FIRRM: variants seen among roughly 807,000 people sequenced by gnomAD.
FIRRM encodes FIGNL1 interacting regulator of recombination and mitosis.
the FIRRM span, among the ~76,000 whole-genome samples, chr1:169,802,239 A>G: frequency 1.3e-5 from 2 of 152,220 alleles, no homozygotes; most frequent in African/African-American, 4.8e-5. Context: ...TCCTTCCAGA[A>G]AATACCCTTG....
At chr1:169,823,329 T>C in the FIRRM span, 2 of 743,350 alleles carry the variant, frequency 2.7e-6, no homozygotes, top group Non-Finnish European at 4.3e-6. Context: ...TTTATGTTAT[T>C]TTGCATACCT....
chr1:169,814,997 TAAGAAAG>T, the FIRRM span, among the ~76,000 whole-genome samples: 1 of 151,876 alleles, frequency 6.6e-6, no homozygotes, highest in South Asian at 2.1e-4. Context: ...GCAAGTTTAT[TAAGAAAG>T]TAAAGGAATA....
the FIRRM span, chr1:169,795,361 A>G: frequency 7.1e-7 from 1 of 1,415,398 alleles, no homozygotes; most frequent in Non-Finnish European, 9.3e-7. Flanking sequence ...AGTGGGATGA[A>G]AAGTGAGGGA....
the FIRRM span, chr1:169,853,654 TATTG>T: frequency 6.4e-7 from 1 of 1,570,274 alleles, no homozygotes; most frequent in Non-Finnish European, 8.7e-7. Context: ...GCTTTTGAGG[TATTG>T]ATTTTTTTTA....
the FIRRM span, among the ~76,000 whole-genome samples, chr1:169,788,324 C>T: frequency 6.6e-6 from 1 of 152,174 alleles, no homozygotes; most frequent in East Asian, 1.9e-4. Flanking sequence ...TTGAAGTCTA[C>T]TTGAAGATGA....
chr1:169,830,860 G>A, the FIRRM span: 1,164 of 980,008 alleles, frequency 1.2e-3, 1 homozygote, highest in Non-Finnish European at 1.3e-3. Flanking sequence ...TAACAAGATT[G>A]TTTTGACAGT....
the FIRRM span, among the ~76,000 whole-genome samples, chr1:169,819,067 C>A: frequency 6.6e-6 from 1 of 152,190 alleles, no homozygotes; most frequent in Admixed American, 6.5e-5. Context: ...GCGGTTTCTA[C>A]AGCCTAATAA....
At chr1:169,825,564 G>T in the FIRRM span, among the ~76,000 whole-genome samples, 2 of 152,166 alleles carry the variant, frequency 1.3e-5, no homozygotes, top group Non-Finnish European at 2.9e-5. Flanking sequence ...ATAAATTCTT[G>T]CAATGATGCT....
the FIRRM span, chr1:169,794,951 G>T: frequency 1.3e-3 from 819 of 623,402 alleles, 3 homozygotes; most frequent in Non-Finnish European, 1.9e-3. Context: ...CTTTCTTTCC[G>T]GCCTTGAGGG....
chr1:169,793,904 A>AT, the FIRRM span: 326 of 389,840 alleles, frequency 8.4e-4, no homozygotes, highest in East Asian at 1.1e-3. Context: ...AGCTCTGGAA[A>AT]GAAAAAAAAA....
the FIRRM span, among the ~76,000 whole-genome samples, chr1:169,840,511 CTTT>C: frequency 5.6e-4 from 79 of 141,568 alleles, no homozygotes; most frequent in African/African-American, 1.9e-3. Flanking sequence ...TTTCTTTTTT[CTTT>C]TTTTTTTTTT....
chr1:169,830,647 G>T, the FIRRM span: 2 of 1,557,758 alleles, frequency 1.3e-6, no homozygotes, highest in Non-Finnish European at 1.8e-6. Flanking sequence ...ATCTCCTTAT[G>T]TTTCTGAGTA....
chr1:169,821,510 A>ACC, the FIRRM span, among the ~76,000 whole-genome samples: 1 of 152,070 alleles, frequency 6.6e-6, no homozygotes, highest in Non-Finnish European at 1.5e-5. Flanking sequence ...TTTGTATCGC[A>ACC]CCTAATAATT....
the FIRRM span, chr1:169,829,592 T>C: frequency 2.8e-6 from 2 of 716,942 alleles, no homozygotes; most frequent in Non-Finnish European, 4.2e-6. Context: ...TAGAAAATGG[T>C]AATCCCAGAT....
chr1:169,816,417 T>G, the FIRRM span, among the ~76,000 whole-genome samples: 6 of 152,258 alleles, frequency 3.9e-5, no homozygotes, highest in East Asian at 9.6e-4. Flanking sequence ...TAATAACAAG[T>G]GTACCATAGT....
At chr1:169,842,847 T>C in the FIRRM span, among the ~76,000 whole-genome samples, 1 of 152,204 alleles carries the variant, frequency 6.6e-6, no homozygotes, top group East Asian at 1.9e-4. Flanking sequence ...TAGGTTAATG[T>C]ATCCTATTTC....
chr1:169,788,298 G>A, the FIRRM span, among the ~76,000 whole-genome samples: 1 of 152,034 alleles, frequency 6.6e-6, no homozygotes, highest in African/African-American at 2.4e-5. Flanking sequence ...CTACTCCTCA[G>A]TCTACTCAAA....
chr1:169,789,574 T>C, the FIRRM span, among the ~76,000 whole-genome samples: 1 of 152,202 alleles, frequency 6.6e-6, no homozygotes, highest in Non-Finnish European at 1.5e-5. Context: ...ATAGCACATA[T>C]GTGACTGGGT....
chr1:169,853,629 C>G, the FIRRM span: 3 of 1,469,350 alleles, frequency 2.0e-6, no homozygotes, highest in African/African-American at 4.2e-5. Flanking sequence ...TTGGGGTTTT[C>G]TTGTCCCAAA....
Sources: allele counts gnomAD v4.1 joint callset (sites outside exome capture counted in the v4.1 genomes callset), GRCh38; gene constraint gnomAD v4.1.1; transcripts MANE v1.5; gene names NCBI Gene and HGNC (gene_info 2026-07-23, HGNC 2026-07-21).